LRP3: variants seen among roughly 807,000 people sequenced by gnomAD.
LRP3 encodes the protein low-density lipoprotein receptor-related protein 3.
In LRP3, 49 loss-of-function variants were observed where a neutral mutation model predicts 58.5. That is an observed-to-expected ratio of 0.84 (90% CI 0.67 to 1.06). The LOEUF is 1.06. LRP3 is among the 50% of genes least tolerant of loss of function. LRP3 has a pLI of 0.00. For missense variants in LRP3, 1,019 were observed against 1,134.2 expected (o/e 0.90, Z 1.46); for synonymous variants, 485 against 492.2 (o/e 0.99, Z 0.20).
intron 2 of LRP3, among the ~76,000 whole-genome samples, chr19:33,197,829 G>T (rs1974301347): frequency 6.6e-6 from 1 of 152,152 alleles, no homozygotes; most frequent in Non-Finnish European, 1.5e-5. Context: ...GAGGCCCAGG[G>T]TGCACAGAAG....
chr19:33,195,026 CCTGGG>C (rs1485714623), intron 1 of LRP3, among the ~76,000 whole-genome samples, 168 bp downstream of exon 1: 1 of 151,814 alleles, frequency 6.6e-6, no homozygotes, highest in East Asian at 1.9e-4. Flanking sequence ...TGGCCCCGGG[CCTGGG>C]AGGGCGACTC....
In LRP3 at chr19:33,207,507, A is replaced by G. The variant is rs1246957965; in HGVS notation, c.2245A>G (p.Arg749Gly). ...PHSPEPLGVCRNPPPPCSPML... is the reference protein window; with the variant it reads ...PHSPEPLGVCGNPPPPCSPML... ...CTCGCCAGAGCCACTGGGGGTCTGC[A>G]GGAACCCCCCGCCCCCCTGCTCCCC... Residue 749 changes from arginine (R) to glycine (G), a missense_variant, in exon 7 of 7, where the codon AGG becomes GGG. Arg to Gly is a moderately radical substitution (Grantham distance 125, BLOSUM62 -2). Transcript: ENST00000253193. The G allele has an allele frequency of 6.2e-7, 1 of 1,602,750 alleles. No individual in the cohort carries two copies.
chr19:33,199,448 G>A (rs1376785479), intron 2 of LRP3, among the ~76,000 whole-genome samples: 1 of 150,316 alleles, frequency 6.7e-6, no homozygotes, highest in African/African-American at 2.5e-5. Flanking sequence ...ACTCCAGCCT[G>A]GGAGACAGAG....
At chr19:33,196,019 C>T (rs1172898740) in intron 1 of LRP3, among the ~76,000 whole-genome samples, 2 of 143,036 alleles carry the variant, frequency 1.4e-5, no homozygotes, top group African/African-American at 6.2e-5. Context: ...ACTCTGGGCC[C>T]GTAACCCCCC....
intron 5 of LRP3, 44 bp from the exon 6 acceptor site, chr19:33,206,557 T>C: frequency 6.3e-7 from 1 of 1,594,830 alleles, no homozygotes; most frequent in Non-Finnish European, 8.5e-7. Flanking sequence ...CTGCTGCAGG[T>C]CCCGGGCAGC....
At chr19:33,195,105 G>T (rs1001041791) in intron 1 of LRP3, among the ~76,000 whole-genome samples, 1 of 151,920 alleles carries the variant, frequency 6.6e-6, no homozygotes, top group Non-Finnish European at 1.5e-5. Context: ...CTGAGCGCTG[G>T]CAGGAGGCCC....
At position 33,205,694 on chromosome 19, in the gene LRP3, G is replaced by A. The variant is rs1974396961; in HGVS notation, c.924G>A (p.Val308=). 3.7e-6 allele frequency: 6 copies of A among 1,606,296 alleles called. No individual in the cohort carries two copies. In the Admixed American group the frequency reaches 5.0e-5, roughly 13 times the overall value. ...LELRLGYDDY[V]QVYEGLGERG... ...TGCGGCTGGGCTATGACGACTACGT[G>A]CAGGTATACGAGGGCCTGGGCGAGC... is the stretch of plus-strand genomic sequence containing the variant. The change falls in exon 5 of 7, where the codon GTG becomes GTA. Residue 308 remains valine, a synonymous_variant. Transcript: ENST00000253193.
chr19:33,198,734 G>A (rs570293334), intron 2 of LRP3, among the ~76,000 whole-genome samples: 1 of 152,312 alleles, frequency 6.6e-6, no homozygotes, highest in South Asian at 2.1e-4. Flanking sequence ...CAGCCTCTGG[G>A]CTCAGCCCTG....
intron 2 of LRP3, among the ~76,000 whole-genome samples, chr19:33,198,656 T>G (rs1974309740): frequency 6.6e-6 from 1 of 152,150 alleles, no homozygotes; most frequent in Non-Finnish European, 1.5e-5. Flanking sequence ...TTTTTACCCC[T>G]CAGCAAACCC....
At position 33,206,292 on chromosome 19, in the gene LRP3, T is replaced by C. The variant is rs1184245990; in HGVS notation, c.1522T>C (p.Cys508Arg). ...ITAALIGSLV[C>R]GLLLVIALGC... ...GGCGGCGCTCATTGGCAGCCTGGTG[T>C]GTGGCCTGCTGCTGGTCATCGCGCT... is the stretch of plus-strand genomic sequence containing the variant. Residue 508 changes from cysteine to arginine, a missense_variant, in exon 5 of 7, where the codon TGT becomes CGT. Cys to Arg is a radical substitution (Grantham distance 180). Coordinates refer to ENST00000253193, the MANE Select transcript of LRP3 (RefSeq NM_002333.4). 2 of 1,598,308 alleles carry C rather than the reference T, an allele frequency of 1.3e-6. No individual in the cohort carries two copies.
chr19:33,204,334 C>T (rs1240005558), intron 3 of LRP3: 4 of 393,284 alleles, frequency 1.0e-5, no homozygotes, highest in East Asian at 4.5e-5. Context: ...ACTTCGGCTT[C>T]GGGCTGGGGG....
Position 33,204,773 on chromosome 19 carries a change from C to A in LRP3, c.396C>A (p.Arg132=), listed in dbSNP as rs145738331. 6.2e-7 allele frequency: 1 copy of A among 1,613,352 alleles called. No individual in the cohort carries two copies. The highest frequency in any genetic ancestry group is 8.5e-7 in the Non-Finnish European group (1 of 1,179,976). Reference sequence around the variant, plus strand: ...TCCCACCTGCCTTCATCTCTGCCCGCGACCATGTCTGGATTTTCTTCCACT... The same window carrying A: ...TCCCACCTGCCTTCATCTCTGCCCGAGACCATGTCTGGATTTTCTTCCACT... ...SAIPPAFISA[R]DHVWIFFHSD... is the part of the protein sequence containing the mutation. The change falls in exon 4 of 7, where the codon CGC becomes CGA. Residue 132 remains arginine, a synonymous_variant. Coordinates refer to ENST00000253193, the MANE Select transcript of LRP3 (RefSeq NM_002333.4).
Position 33,206,728 on chromosome 19 carries a change from T to G in LRP3, c.1720T>G (p.Ser574Ala), listed in dbSNP as rs142918525. ...PVEDFPVYSA[S>A]QASVLQNLRT... The stretch of plus-strand genomic sequence containing the variant: ...GGAGGACTTTCCTGTCTACAGTGCG[T>G]CCCAGGTGAGCCCCCGGAGGGCGTG... Residue 574 changes from serine (S) to alanine (A), a missense_variant, in exon 6 of 7, where the codon TCC becomes GCC. Coordinates refer to ENST00000253193, the MANE Select transcript of LRP3 (RefSeq NM_002333.4). 1 of 1,517,968 alleles carries G rather than the reference T, an allele frequency of 6.6e-7. No homozygotes were observed. Among genetic ancestry groups the G allele is most frequent in the Admixed American group, 2.2e-5 (1 of 44,600 alleles). The allele number at this position is 1,517,968 out of a possible 1,614,324, so 94.0% of individuals were successfully genotyped here. A position where few individuals can be genotyped will look rare whatever the true frequency, so the allele number is the denominator to read the frequency against.
rs375680660 is a variant in LRP3, at chr19:33,205,310, C to T, written c.540C>T (p.Pro180=). 44 of 1,611,766 alleles carry T rather than the reference C, an allele frequency of 2.7e-5. No homozygotes were observed. Among genetic ancestry groups the T allele is most frequent in the East Asian group, 4.5e-5 (2 of 44,844 alleles). Residue 180 remains proline (P), a synonymous_variant, in exon 5 of 7, where the codon CCC becomes CCT. Transcript: ENST00000253193. Reference sequence around the variant, plus strand: ...GCTGTGACAACGGCAAGTGCCTGCCCGGCCCGTGGCAGTGCAACACGGTGG... The same window carrying T: ...GCTGTGACAACGGCAAGTGCCTGCCTGGCCCGTGGCAGTGCAACACGGTGG... The part of the protein sequence containing the change: ...EFRCDNGKCL[P]GPWQCNTVDE...
intron 3 of LRP3, 112 bp downstream of exon 3, chr19:33,203,098 T>C: frequency 7.6e-7 from 1 of 1,310,464 alleles, no homozygotes; most frequent in Non-Finnish European, 1.0e-6. Context: ...AGGGTGTACA[T>C]GTGTGTGAGC....
At chr19:33,203,183 G>T (rs1322878781) in intron 3 of LRP3, among the ~76,000 whole-genome samples, 197 bp downstream of exon 3, 1 of 151,846 alleles carries the variant, frequency 6.6e-6, no homozygotes, top group East Asian at 1.9e-4. Context: ...CAGGTGTATG[G>T]GTGTGTGCAT....
rs748179673 is a variant in LRP3, at chr19:33,206,072, C to T, written c.1302C>T (p.Ala434=). The change falls in exon 5 of 7, where the codon GCC becomes GCT. Residue 434 remains alanine, a synonymous_variant. Transcript: ENST00000253193. ...EGGSGLCYTP[A]DRCNNQKSCP... is the part of the protein sequence containing the mutation. ...GCAGTGGTCTGTGCTACACGCCTGC[C>T]GACCGCTGCAACAACCAGAAAAGCT... 5.6e-6 allele frequency: 9 copies of T among 1,606,882 alleles called. No individual in the cohort carries two copies. The highest frequency in any genetic ancestry group is 4.5e-5 in the East Asian group (2 of 44,580).
At position 33,208,262 on chromosome 19, in the gene LRP3, G is replaced by T. The variant is rs1004644963; in HGVS notation, c.*687G>T. The T allele has an allele frequency of 6.0e-6, 1 of 166,942 alleles. No individual in the cohort carries two copies. Among genetic ancestry groups the T allele is most frequent in the African/African-American group, 2.4e-5 (1 of 41,508 alleles). The allele number at this position is 166,942 out of a possible 1,614,324, so 10.3% of individuals were successfully genotyped here. Reference sequence around the variant, plus strand: ...GGCACCAACAGCAGTGGCCACGTCTGTTCCATCCTATCTCAGGGCCTCGGT... The same window carrying T: ...GGCACCAACAGCAGTGGCCACGTCTTTTCCATCCTATCTCAGGGCCTCGGT... On this transcript the variant is annotated 3_prime_UTR_variant, in exon 7 of 7. Transcript: ENST00000253193. This position sits in a 1 kb window ranked among gnomAD's most constrained non-coding sequence, Gnocchi z 4.7.
Position 33,206,623 on chromosome 19 carries a change from C to T in LRP3, c.1615C>T (p.Arg539Cys), listed in dbSNP as rs140679115. Residue 539 changes from arginine (R) to cysteine (C), a missense_variant, in exon 6 of 7, where the codon CGC becomes TGC. Coordinates refer to ENST00000253193, the MANE Select transcript of LRP3 (RefSeq NM_002333.4). ...EYRAFETQMT[R>C]LEAEFVRREA... ...TAGGGCCTTCGAGACCCAGATGACG[C>T]GCCTGGAGGCTGAGTTCGTGCGGCG... 5.5e-5 allele frequency: 88 copies of T among 1,607,414 alleles called. No individual in the cohort carries two copies. In the African/African-American group the frequency reaches 6.4e-4, roughly 12 times the overall value.
Sources: allele counts gnomAD v4.1 joint callset (sites outside exome capture counted in the v4.1 genomes callset), GRCh38; gene constraint gnomAD v4.1.1; non-coding constraint Gnocchi (gnomAD v3.1); transcripts MANE v1.5; gene names NCBI Gene and HGNC (gene_info 2026-07-23, HGNC 2026-07-21).